SEZ6L: variants seen among roughly 807,000 people sequenced by gnomAD.
SEZ6L encodes the protein seizure related 6 homolog like.
A neutral mutation model predicts 106.2 loss-of-function variants in SEZ6L; 37 were observed. The ratio of observed to expected loss-of-function variants is 0.35; its 90% confidence interval spans 0.27 to 0.46. The LOEUF (loss-of-function observed/expected upper bound fraction) is 0.46. Ranked by LOEUF, SEZ6L falls within the 20% of genes least tolerant of loss-of-function variation. SEZ6L has a pLI of 1.00. For synonymous variants in SEZ6L, 541 were observed against 570.4 expected (o/e 0.95, Z 0.73); for missense variants, 1,172 against 1,332.8 (o/e 0.88, Z 1.88).
intron 1 of SEZ6L, among the ~76,000 whole-genome samples, chr22:26,286,866 G>T (rs1328897422): frequency 6.6e-6 from 1 of 150,738 alleles, no homozygotes; most frequent in Non-Finnish European, 1.5e-5. Context: ...TCCCGCCTCA[G>T]CTTCCCAAGT....
chr22:26,248,385 C>CAAAAGAGAG (rs2079440017), intron 1 of SEZ6L, among the ~76,000 whole-genome samples: 1 of 152,172 alleles, frequency 6.6e-6, no homozygotes, highest in Non-Finnish European at 1.5e-5. Context: ...GACAGGGTCT[C>CAAAAGAGAG]ACTCTTTTGC....
intron 1 of SEZ6L, among the ~76,000 whole-genome samples, chr22:26,208,676 T>A (rs1941418152): frequency 6.6e-6 from 1 of 152,158 alleles, no homozygotes; most frequent in African/African-American, 2.4e-5. Flanking sequence ...TTTTTAGTAG[T>A]TTGACTATGA....
chr22:26,379,261 G>C (rs1479282921), intron 16 of SEZ6L, among the ~76,000 whole-genome samples: 1 of 152,230 alleles, frequency 6.6e-6, no homozygotes, highest in African/African-American at 2.4e-5. Context: ...GCAACAGAGA[G>C]AGAGTCATCT....
chr22:26,260,848 G>A (rs183425236), intron 1 of SEZ6L, among the ~76,000 whole-genome samples: 132 of 152,266 alleles, frequency 8.7e-4, no homozygotes, highest in African/African-American at 2.8e-3. Context: ...ATTCCCACCA[G>A]CAGTGTAGAA....
intron 1 of SEZ6L, among the ~76,000 whole-genome samples, chr22:26,197,282 T>C (rs915530042): frequency 2.6e-5 from 4 of 152,192 alleles, no homozygotes; most frequent in Non-Finnish European, 5.9e-5. Context: ...TTCTGGCACA[T>C]AGTAGGAGCT....
intron 9 of SEZ6L, among the ~76,000 whole-genome samples, chr22:26,330,359 C>T (rs929252880): frequency 1.3e-5 from 2 of 152,096 alleles, no homozygotes; most frequent in Admixed American, 6.5e-5. Context: ...AGGGTTAGTC[C>T]GAGGATAAGA....
At chr22:26,375,727 A>T (rs779879766) in intron 15 of SEZ6L, 38 bp downstream of exon 15, 2 of 1,509,690 alleles carry the variant, frequency 1.3e-6, no homozygotes, top group Non-Finnish European at 9.1e-7. Context: ...CCAAGCACCC[A>T]GCCACCAGTA....
chr22:26,311,436 A>G (rs1026031994), intron 7 of SEZ6L, among the ~76,000 whole-genome samples: 12 of 152,338 alleles, frequency 7.9e-5, no homozygotes, highest in Admixed American at 6.5e-4. Context: ...ACAGCCCTAC[A>G]GTTTCCAGTG....
chr22:26,189,071 G>T (rs551674887), intron 1 of SEZ6L, among the ~76,000 whole-genome samples: 12 of 152,216 alleles, frequency 7.9e-5, no homozygotes, highest in Non-Finnish European at 1.8e-4. Flanking sequence ...TTTGTTATAA[G>T]TCATAGTTTA....
chr22:26,267,813 C>A (rs2080238141), intron 1 of SEZ6L, among the ~76,000 whole-genome samples: 1 of 152,096 alleles, frequency 6.6e-6, no homozygotes, highest in South Asian at 2.1e-4. Flanking sequence ...GAGGGGTCAC[C>A]AGGACTGCAG....
intron 10 of SEZ6L, among the ~76,000 whole-genome samples, chr22:26,345,479 G>C (rs1337042629): frequency 6.6e-6 from 1 of 152,132 alleles, no homozygotes; most frequent in Non-Finnish European, 1.5e-5. Flanking sequence ...TCTGGTGTCT[G>C]CTCCCATTTC....
rs766780388 is a variant in SEZ6L at position 26,292,744 on chromosome 22, G to A, written c.433G>A (p.Ala145Thr). ...CACCTCCGCAGCCACTGTCCAAAGG[G>A]CAGGGTCCCAGCCAGCGTCCCAGGG... Reference protein sequence around the residue: ...KATSAATVQRAGSQPASQGLD... With the variant: ...KATSAATVQRTGSQPASQGLD... The change falls in exon 2 of 17, where the codon GCA (alanine) becomes ACA (threonine). Residue 145 changes from alanine to threonine, a missense_variant. Ala to Thr is a moderately conservative substitution (Grantham distance 58). Transcript: ENST00000248933. 1.9e-6 allele frequency: 3 copies of A among 1,614,028 alleles called. No individual in the cohort carries two copies. The highest frequency in any genetic ancestry group is 1.7e-5 in the Admixed American group (1 of 60,020).
At chr22:26,290,258 G>A (rs1465361007) in intron 1 of SEZ6L, among the ~76,000 whole-genome samples, 2 of 152,220 alleles carry the variant, frequency 1.3e-5, no homozygotes, top group Non-Finnish European at 2.9e-5. Context: ...TGGGCCGGGC[G>A]CGGTGGCTCA....
intron 1 of SEZ6L, among the ~76,000 whole-genome samples, chr22:26,282,530 T>A (rs1231207750): frequency 6.6e-6 from 1 of 152,186 alleles, no homozygotes; most frequent in Non-Finnish European, 1.5e-5. Context: ...CTCTGGTTGA[T>A]GTGGAGCATG....
intron 11 of SEZ6L, among the ~76,000 whole-genome samples, chr22:26,350,491 TC>T (rs1452266516): frequency 6.6e-6 from 1 of 151,864 alleles, no homozygotes; most frequent in Non-Finnish European, 1.5e-5. Context: ...GTCTTCCCTT[TC>T]AAGTCCTAGG....
intron 1 of SEZ6L, among the ~76,000 whole-genome samples, chr22:26,181,753 G>T (rs563552938): frequency 6.6e-6 from 1 of 152,114 alleles, no homozygotes; most frequent in South Asian, 2.1e-4. Flanking sequence ...CTGGTACGTA[G>T]CAGAAGTTCA....
chr22:26,188,495 AAG>A (rs1287237555), intron 1 of SEZ6L, among the ~76,000 whole-genome samples: 1 of 152,200 alleles, frequency 6.6e-6, no homozygotes, highest in Admixed American at 6.5e-5. Flanking sequence ...GCTGGATTCC[AAG>A]AGAGAGTGTC....
In SEZ6L at chr22:26,347,670, G is replaced by A. The variant is rs115577947; in HGVS notation, c.2213-49G>A. The A allele has an allele frequency of 2.2e-4, 333 of 1,508,838 alleles. 1 individual carries two copies. In the African/African-American group the frequency reaches 3.8e-3, roughly 17 times the overall value. 93.5% of individuals were successfully genotyped at this position (1,508,838 alleles called of 1,614,324 possible). ...TCTAGCCGTCATAAAAGGAGGCCCCGACAACAAGACTGCTTCCCCCATCTA... is the reference window on the plus strand; with the variant it reads ...TCTAGCCGTCATAAAAGGAGGCCCCAACAACAAGACTGCTTCCCCCATCTA... On this transcript the variant is annotated intron_variant, in intron 10 of 16. Coordinates refer to ENST00000248933, the MANE Select transcript of SEZ6L (RefSeq NM_021115.5).
intron 1 of SEZ6L, among the ~76,000 whole-genome samples, chr22:26,271,172 A>G (rs1414721448): frequency 6.6e-6 from 1 of 152,246 alleles, no homozygotes; most frequent in Admixed American, 6.5e-5. Context: ...TAGGAACTAT[A>G]GAACAGCAAT....
Sources: gnomAD v4.1 joint callset for allele counts (sites outside exome capture counted in the v4.1 genomes callset) on GRCh38, gnomAD v4.1.1 for gene constraint, MANE v1.5 for transcripts, NCBI Gene and HGNC (gene_info 2026-07-23, HGNC 2026-07-21) for gene names.